The following PCDH15 variants were observed in gnomAD, a reference collection of about 807,000 sequenced individuals.
PCDH15 encodes the protein protocadherin related 15, also known as protocadherin-15.
A neutral mutation model predicts 178.5 loss-of-function variants in PCDH15; 129 were observed. That is an observed-to-expected ratio of 0.72 (90% CI 0.63 to 0.84). The LOEUF (loss-of-function observed/expected upper bound fraction) is 0.84, where lower values mean the gene tolerates loss of function less well. Among genes scored for constraint, PCDH15 ranks in the 40% least tolerant of loss-of-function variants. The pLI is 0.00. For synonymous variants in PCDH15, 800 were observed against 732.0 expected, an observed-to-expected ratio of 1.09 and a Z score of -1.50; for missense variants, 2,230 against 2,099.9, an observed-to-expected ratio of 1.06 and a Z score of -1.21.
chr10:55,186,424 TAATA>T (rs1281747587), intron 1 of PCDH15, among the ~76,000 whole-genome samples: 6 of 151,268 alleles, frequency 4.0e-5, no homozygotes, highest in African/African-American at 1.5e-4. Context: ...CAAATATAAT[TAATA>T]AATACATATA....
At chr10:54,648,095 G>T (rs1483310998) in intron 2 of PCDH15, among the ~76,000 whole-genome samples, 1 of 151,948 alleles carries the variant, frequency 6.6e-6, no homozygotes, top group Non-Finnish European at 1.5e-5. Flanking sequence ...ATTCAAACTG[G>T]TATTTTTGTC....
intron 3 of PCDH15, among the ~76,000 whole-genome samples, chr10:54,405,017 G>A (rs1231664135): frequency 5.9e-5 from 9 of 152,068 alleles, no homozygotes; most frequent in Admixed American, 5.9e-4. Flanking sequence ...TGCCAGTGAG[G>A]TTGCAGAAAA....
chr10:55,365,659 T>TG (rs35891167), intron 2 of PCDH15, among the ~76,000 whole-genome samples: 85,362 of 151,710 alleles, frequency 0.56, 24,593 homozygotes, highest in African/African-American at 0.67. Flanking sequence ...CCACGAGATA[T>TG]ATGGTTTTAA....
chr10:54,279,544 T>C (rs1330922041), intron 8 of PCDH15, among the ~76,000 whole-genome samples: 1 of 151,652 alleles, frequency 6.6e-6, no homozygotes, highest in East Asian at 1.9e-4. Context: ...TACTTTACTT[T>C]GTTTCAACTC....
At chr10:55,413,904 C>T (rs758940652) in intron 2 of PCDH15, among the ~76,000 whole-genome samples, 2 of 151,326 alleles carry the variant, frequency 1.3e-5, no homozygotes, top group Non-Finnish European at 3.0e-5. Flanking sequence ...CTCATTAGCT[C>T]ATATATATAT....
intron 3 of PCDH15, among the ~76,000 whole-genome samples, chr10:54,849,900 C>T (rs1953584785): frequency 6.6e-6 from 1 of 152,010 alleles, no homozygotes; most frequent in Non-Finnish European, 1.5e-5. Context: ...ACTTAATATT[C>T]ATAATTAGGA....
At chr10:55,216,740 CAA>C (rs1034085656) in intron 1 of PCDH15, among the ~76,000 whole-genome samples, 38 of 151,882 alleles carry the variant, frequency 2.5e-4, no homozygotes, top group African/African-American at 8.9e-4. Flanking sequence ...ATCTTGCACT[CAA>C]AAAATTTTAC....
intron 3 of PCDH15, among the ~76,000 whole-genome samples, chr10:54,416,807 A>G (rs1383728114): frequency 6.6e-6 from 1 of 152,086 alleles, no homozygotes; most frequent in African/African-American, 2.4e-5. Flanking sequence ...ACTTTTTAAT[A>G]GTCGCTATTC....
At chr10:55,129,681 T>C (rs1235380992) in intron 2 of PCDH15, among the ~76,000 whole-genome samples, 1 of 152,170 alleles carries the variant, frequency 6.6e-6, no homozygotes. Flanking sequence ...GAAAGACTTA[T>C]GCTAATGGTA....
intron 1 of PCDH15, among the ~76,000 whole-genome samples, chr10:54,677,692 A>AT (rs1379555015): frequency 1.3e-5 from 2 of 152,104 alleles, no homozygotes; most frequent in Non-Finnish European, 2.9e-5. Flanking sequence ...CCATCTTCCA[A>AT]TTTTTTAGGT....
intron 1 of PCDH15, among the ~76,000 whole-genome samples, chr10:55,287,639 G>A (rs1455609308): frequency 6.6e-6 from 1 of 151,948 alleles, no homozygotes; most frequent in Non-Finnish European, 1.5e-5. Flanking sequence ...TGACAAGTAT[G>A]ATCTGAAAAT....
intron 2 of PCDH15, among the ~76,000 whole-genome samples, chr10:54,648,316 T>A (rs963587059): frequency 6.6e-6 from 1 of 152,104 alleles, no homozygotes; most frequent in South Asian, 2.1e-4. Context: ...TCAGTGTAAA[T>A]GTAGTTTTTG....
intron 10 of PCDH15, among the ~76,000 whole-genome samples, chr10:54,199,828 C>T (rs964455594): frequency 8.6e-5 from 13 of 151,860 alleles, no homozygotes; most frequent in African/African-American, 2.9e-4. Context: ...TCTATAGTTA[C>T]GAGTTAAACA....
chr10:55,383,290 T>C (rs1488643981), intron 2 of PCDH15, among the ~76,000 whole-genome samples: 1 of 152,046 alleles, frequency 6.6e-6, no homozygotes, highest in Admixed American at 6.5e-5. Flanking sequence ...CTCCTGGACG[T>C]TCAGCCACTT....
At chr10:54,433,929 T>C (rs1051433846) in intron 3 of PCDH15, among the ~76,000 whole-genome samples, 2 of 152,210 alleles carry the variant, frequency 1.3e-5, no homozygotes, top group Admixed American at 1.3e-4. Flanking sequence ...GCATTGTTAT[T>C]ATAGGAGACA....
intron 2 of PCDH15, among the ~76,000 whole-genome samples, chr10:55,009,908 C>T (rs1424668910): frequency 6.6e-6 from 1 of 152,126 alleles, no homozygotes; most frequent in African/African-American, 2.4e-5. Context: ...AAATAGCATC[C>T]TGCCTTGGAA....
At chr10:55,302,772 T>C (rs1843318481) in intron 1 of PCDH15, among the ~76,000 whole-genome samples, 1 of 152,120 alleles carries the variant, frequency 6.6e-6, no homozygotes. Flanking sequence ...AATATAAAAT[T>C]AAACATCAAA....
chr10:54,891,587 A>G (rs1260408618), intron 3 of PCDH15, among the ~76,000 whole-genome samples: 2 of 152,174 alleles, frequency 1.3e-5, no homozygotes, highest in Non-Finnish European at 2.9e-5. Flanking sequence ...AAGGCAGAGT[A>G]TGGTCTCTTG....
chr10:55,562,454 G>A (rs763841997), intron 2 of PCDH15, among the ~76,000 whole-genome samples: 8 of 151,768 alleles, frequency 5.3e-5, no homozygotes, highest in Non-Finnish European at 1.0e-4. Context: ...TCATTTTCCA[G>A]AAAATAAATG....
Sources: gnomAD v4.1 joint callset for allele counts (sites outside exome capture counted in the v4.1 genomes callset) on GRCh38, gnomAD v4.1.1 for gene constraint, MANE v1.5 for transcripts, NCBI Gene and HGNC (gene_info 2026-07-23, HGNC 2026-07-21) for gene names.